Variants in PCDH9 observed in about 807,000 individuals in gnomAD.
PCDH9 encodes protocadherin-9.
In PCDH9, 24 loss-of-function variants were observed where a neutral mutation model predicts 70.6. The observed-to-expected ratio is 0.34, with a 90% CI of 0.25 to 0.48. The LOEUF is 0.48. PCDH9 is among the 20% of genes least tolerant of loss of function. The pLI is 0.99. For synonymous variants in PCDH9, 562 were observed against 558.5 expected (o/e 1.01, Z -0.09); for missense variants, 1,281 against 1,503.6 (o/e 0.85, Z 2.45).
At chr13:66,350,598 T>C (rs548536383) in intron 4 of PCDH9, among the ~76,000 whole-genome samples, 2 of 152,272 alleles carry the variant, frequency 1.3e-5, no homozygotes, top group Admixed American at 1.3e-4. Context: ...CTTCTGGTGT[T>C]TCAGGACAAA....
In PCDH9 at chr13:67,088,099, A is replaced by ATT. The variant is rs34343096; in HGVS notation, c.3036+137304_3036+137305dup. 5.4e-4 allele frequency among the ~76,000 whole-genome samples: 79 copies of ATT among 146,646 alleles called. No homozygotes were observed. In the East Asian group the frequency reaches 9.8e-3, roughly 18 times the overall value. Reference sequence around the variant, plus strand: ...ATAGGGAATTTGGTCTATTTCATAGATTTTTTTTTTTTTTTATTCCCTGAG... The same window carrying ATT: ...ATAGGGAATTTGGTCTATTTCATAGATTTTTTTTTTTTTTTTTATTCCCTGAG... On this transcript the variant is annotated intron_variant, in intron 2 of 4. Coordinates refer to ENST00000377865, the MANE Select transcript of PCDH9 (RefSeq NM_203487.3).
At chr13:66,452,544 A>C (rs556314791) in intron 4 of PCDH9, among the ~76,000 whole-genome samples, 2 of 152,164 alleles carry the variant, frequency 1.3e-5, no homozygotes, top group East Asian at 3.9e-4. Context: ...ACATTCTTAC[A>C]CCACTTCTTT....
intron 3 of PCDH9, among the ~76,000 whole-genome samples, chr13:66,897,072 G>T (rs572871087): frequency 6.6e-6 from 1 of 152,176 alleles, no homozygotes; most frequent in South Asian, 2.1e-4. Context: ...ACACTTTATG[G>T]TAACATGTTG....
intron 2 of PCDH9, among the ~76,000 whole-genome samples, chr13:66,941,750 AAAC>A (rs2083009914): frequency 6.6e-6 from 1 of 152,060 alleles, no homozygotes; most frequent in Admixed American, 6.5e-5. Context: ...CATGAAGTAA[AAAC>A]TAATAGACCT....
At chr13:66,778,619 T>C (rs1235985715) in intron 3 of PCDH9, among the ~76,000 whole-genome samples, 1 of 152,244 alleles carries the variant, frequency 6.6e-6, no homozygotes, top group Non-Finnish European at 1.5e-5. Context: ...TGAGGTTATA[T>C]AACTAAATCA....
chr13:66,560,595 T>C (rs1961965975), intron 4 of PCDH9, among the ~76,000 whole-genome samples: 1 of 152,218 alleles, frequency 6.6e-6, no homozygotes, highest in Admixed American at 6.5e-5. Context: ...ATCCAGTGAA[T>C]GATGAAATAC....
intron 4 of PCDH9, among the ~76,000 whole-genome samples, chr13:66,328,710 G>A (rs548017296): frequency 5.3e-5 from 8 of 152,118 alleles, no homozygotes; most frequent in Admixed American, 2.0e-4. Flanking sequence ...TGACACGTGC[G>A]ACTGACAGCA....
At chr13:66,501,797 T>C (rs774086303) in intron 4 of PCDH9, among the ~76,000 whole-genome samples, 9 of 152,156 alleles carry the variant, frequency 5.9e-5, no homozygotes, top group Admixed American at 1.3e-4. Flanking sequence ...GGGACCCTTT[T>C]TAATGTAGTA....
At chr13:67,159,624 C>T (rs931974016) in intron 2 of PCDH9, among the ~76,000 whole-genome samples, 6 of 152,176 alleles carry the variant, frequency 3.9e-5, no homozygotes, top group African/African-American at 1.4e-4. Flanking sequence ...TTTATTTAAA[C>T]ATTCTCATTA....
At chr13:66,961,476 T>G (rs956093166) in intron 2 of PCDH9, among the ~76,000 whole-genome samples, 3 of 152,144 alleles carry the variant, frequency 2.0e-5, no homozygotes, top group African/African-American at 7.2e-5. Flanking sequence ...ATTTTCAAAA[T>G]TTAAGAAATA....
At chr13:66,711,690 A>G (rs1447222572) in intron 3 of PCDH9, among the ~76,000 whole-genome samples, 4 of 152,170 alleles carry the variant, frequency 2.6e-5, no homozygotes, top group Admixed American at 6.6e-5. Flanking sequence ...CTTTCGAAAT[A>G]TACTCATTTT....
chr13:66,892,064 AT>A (rs926582296), intron 3 of PCDH9, among the ~76,000 whole-genome samples: 6 of 151,394 alleles, frequency 4.0e-5, no homozygotes, highest in African/African-American at 1.2e-4. Context: ...CAATTAAAGA[AT>A]TTTTTTCCTC....
chr13:66,449,236 T>A (rs1593997966), intron 4 of PCDH9, among the ~76,000 whole-genome samples: 2 of 152,322 alleles, frequency 1.3e-5, no homozygotes, highest in East Asian at 3.9e-4. Context: ...GCCTTCAGAA[T>A]GTTTCAGACA....
At chr13:67,007,687 G>A (rs2084379109) in intron 2 of PCDH9, among the ~76,000 whole-genome samples, 1 of 152,110 alleles carries the variant, frequency 6.6e-6, no homozygotes, top group South Asian at 2.1e-4. Flanking sequence ...TGTGCGTGCA[G>A]GTAATGTCCA....
In PCDH9 at chr13:67,035,489, G is replaced by A. The variant is rs1114473; in HGVS notation, c.3037-131884C>T. On this transcript the variant is annotated intron_variant, in intron 2 of 4. Coordinates refer to ENST00000377865, the MANE Select transcript of PCDH9 (RefSeq NM_203487.3). ...ACCTAATGTTTCTCTTACTTTGTGA[G>A]TCTTTTAAAATTAAACTCAGAAATT... is the stretch of plus-strand genomic sequence containing the variant. Among the ~76,000 whole-genome samples the A allele has an allele frequency of 2.1e-3, 318 of 151,516 alleles. 3 individuals are homozygous for A. Among genetic ancestry groups the A allele is most frequent in the African/African-American group, 6.5e-3 (271 of 41,414 alleles).
chr13:67,036,896 G>C (rs975539344), intron 2 of PCDH9, among the ~76,000 whole-genome samples: 24 of 152,212 alleles, frequency 1.6e-4, no homozygotes, highest in African/African-American at 5.8e-4. Context: ...AGTAGAGATA[G>C]AAGCTGCTCC....
At chr13:66,997,262 C>G (rs1044542373) in intron 2 of PCDH9, among the ~76,000 whole-genome samples, 4 of 152,158 alleles carry the variant, frequency 2.6e-5, no homozygotes, top group African/African-American at 7.2e-5. Flanking sequence ...GCATCTACTT[C>G]TGGTGAGGGC....
chr13:66,664,891 C>T (rs958644572), intron 3 of PCDH9, among the ~76,000 whole-genome samples: 1 of 152,118 alleles, frequency 6.6e-6, no homozygotes, highest in African/African-American at 2.4e-5. Context: ...AGTCTCCCTT[C>T]ACTGCAACTT....
intron 4 of PCDH9, among the ~76,000 whole-genome samples, chr13:66,595,785 T>C (rs1037959412): frequency 9.9e-5 from 15 of 151,670 alleles, no homozygotes; most frequent in African/African-American, 3.1e-4. Flanking sequence ...TATTAACGTA[T>C]AGGAATTATT....
Sources: gnomAD v4.1 joint callset for allele counts (sites outside exome capture counted in the v4.1 genomes callset) on GRCh38, gnomAD v4.1.1 for gene constraint, MANE v1.5 for transcripts, NCBI Gene and HGNC (gene_info 2026-07-23, HGNC 2026-07-21) for gene names.